TRHR: variants seen among roughly 807,000 people sequenced by gnomAD.
TRHR encodes the protein thyrotropin releasing hormone receptor, also known as thyrotropin-releasing hormone receptor.
A neutral mutation model predicts 28.0 loss-of-function variants in TRHR; 14 were observed. The observed-to-expected ratio is 0.50, with a 90% CI of 0.33 to 0.78. The LOEUF is 0.78. Ranked by LOEUF, TRHR falls within the 30% of genes least tolerant of loss-of-function variation. The probability of loss-of-function intolerance (pLI) is 0.02; values close to 1 mark genes in which losing one functional copy is unlikely to be tolerated. For synonymous variants in TRHR, 176 were observed against 171.9 expected (o/e 1.02, Z -0.18); for missense variants, 438 against 469.5 (o/e 0.93, Z 0.62).
chr8:109,093,400 C>CTTTTTTTTTT (rs34645119), intron 2 of TRHR, among the ~76,000 whole-genome samples: 12 of 77,394 alleles, frequency 1.6e-4, no homozygotes, highest in Non-Finnish European at 2.0e-4. Flanking sequence ...GTGCTATTTA[C>CTTTTTTTTTT]TTTTTTTTTT....
intron 2 of TRHR, among the ~76,000 whole-genome samples, chr8:109,092,271 A>G (rs1298933606): frequency 6.6e-6 from 1 of 152,056 alleles, no homozygotes; most frequent in Non-Finnish European, 1.5e-5. Flanking sequence ...TCTAAGAGTA[A>G]TGGCAGAATT....
intron 2 of TRHR, among the ~76,000 whole-genome samples, chr8:109,090,404 A>G (rs1318692486): frequency 1.3e-5 from 2 of 152,228 alleles, no homozygotes; most frequent in African/African-American, 4.8e-5. Context: ...TTCTTTAAGG[A>G]GTTTTTTTAA....
At chr8:109,093,527 T>C (rs936941216) in intron 2 of TRHR, among the ~76,000 whole-genome samples, 4 of 143,044 alleles carry the variant, frequency 2.8e-5, no homozygotes, top group Non-Finnish European at 6.0e-5. Flanking sequence ...TGCCTCAGCC[T>C]CCCGAGTAGC....
intron 2 of TRHR, among the ~76,000 whole-genome samples, chr8:109,102,861 T>C (rs2129905296): frequency 6.6e-6 from 1 of 152,292 alleles, no homozygotes; most frequent in East Asian, 1.9e-4. Flanking sequence ...CTGGGACTCA[T>C]TCCCAATAAA....
chr8:109,115,476 T>C (rs1371024735), intron 2 of TRHR, among the ~76,000 whole-genome samples: 6 of 152,180 alleles, frequency 3.9e-5, no homozygotes, highest in Admixed American at 1.3e-4. Context: ...TGTATCCTCT[T>C]TTATTTCATT....
At chr8:109,118,730 A>G (rs1444876422) in intron 2 of TRHR, among the ~76,000 whole-genome samples, 4 of 151,874 alleles carry the variant, frequency 2.6e-5, no homozygotes, top group African/African-American at 9.7e-5. Flanking sequence ...CCTTTAATGA[A>G]TGGACGCTGG....
At chr8:109,091,493 T>A (rs1256291813) in intron 2 of TRHR, among the ~76,000 whole-genome samples, 1 of 152,188 alleles carries the variant, frequency 6.6e-6, no homozygotes. Flanking sequence ...TTTCTCTGCA[T>A]TTTTTTCTTT....
chr8:109,107,378 G>C (rs1258345732), intron 2 of TRHR, among the ~76,000 whole-genome samples: 1 of 152,058 alleles, frequency 6.6e-6, no homozygotes, highest in African/African-American at 2.4e-5. Context: ...GTATTTCACA[G>C]ACGTATATAC....
intron 2 of TRHR, among the ~76,000 whole-genome samples, chr8:109,113,371 A>T (rs1811868731): frequency 6.6e-6 from 1 of 152,084 alleles, no homozygotes; most frequent in Admixed American, 6.6e-5. Context: ...TAACCATGAG[A>T]AAAACATCAG....
intron 2 of TRHR, among the ~76,000 whole-genome samples, chr8:109,093,268 G>C (rs1411561365): frequency 6.6e-6 from 1 of 151,736 alleles, no homozygotes; most frequent in African/African-American, 2.4e-5. Context: ...GCACCCTCCT[G>C]ACCCTCTCTT....
rs923583677 is a variant in TRHR at position 109,120,206 on chromosome 8, G to C, written c.*751G>C. On this transcript the variant is annotated 3_prime_UTR_variant, in exon 3 of 3. Coordinates refer to ENST00000518632, the MANE Select transcript of TRHR (RefSeq NM_003301.7). The stretch of plus-strand genomic sequence containing the variant: ...ACATGATGGGTGGAAAAAGGCAAAA[G>C]CCCAGATTAAGTAACTGTGAAGATA... Among the ~76,000 whole-genome samples, 1 of 151,784 alleles carries C rather than the reference G, an allele frequency of 6.6e-6. No individual in the cohort carries two copies. The highest frequency in any genetic ancestry group is 6.6e-5 in the Admixed American group (1 of 15,198).
intron 2 of TRHR, among the ~76,000 whole-genome samples, chr8:109,094,735 C>G (rs1261055979): frequency 6.6e-6 from 1 of 150,764 alleles, no homozygotes; most frequent in Non-Finnish European, 1.5e-5. Context: ...TAGGAATAAA[C>G]AATGTGTCTT....
At chr8:109,098,170 C>T (rs1811623313) in intron 2 of TRHR, among the ~76,000 whole-genome samples, 1 of 151,590 alleles carries the variant, frequency 6.6e-6, no homozygotes, top group African/African-American at 2.4e-5. Context: ...TGCTTTGTCA[C>T]TCAGGTTGGG....
chr8:109,092,586 G>A (rs1226954041), intron 2 of TRHR, among the ~76,000 whole-genome samples: 2 of 151,744 alleles, frequency 1.3e-5, no homozygotes, highest in African/African-American at 2.4e-5. Context: ...ACAGGTGTGC[G>A]CCAACACACC....
At chr8:109,097,994 C>G (rs1811619560) in intron 2 of TRHR, among the ~76,000 whole-genome samples, 2 of 152,152 alleles carry the variant, frequency 1.3e-5, no homozygotes, top group South Asian at 4.1e-4. Context: ...GAAATTCCTC[C>G]CACATCCAGT....
At chr8:109,114,350 C>T (rs1811885505) in intron 2 of TRHR, among the ~76,000 whole-genome samples, 3 of 152,048 alleles carry the variant, frequency 2.0e-5, no homozygotes, top group South Asian at 2.1e-4. Context: ...CTTCAATACA[C>T]TCTACAAAAA....
At chr8:109,105,260 A>G (rs1811732038) in intron 2 of TRHR, among the ~76,000 whole-genome samples, 1 of 152,182 alleles carries the variant, frequency 6.6e-6, no homozygotes, top group Non-Finnish European at 1.5e-5. Context: ...ACTAATTCCT[A>G]GAATCTAATC....
At chr8:109,098,736 T>G (rs1415711771) in intron 2 of TRHR, among the ~76,000 whole-genome samples, 1 of 152,152 alleles carries the variant, frequency 6.6e-6, no homozygotes, top group South Asian at 2.1e-4. Context: ...CCTCCAGTCT[T>G]GAGCACTCGG....
At chr8:109,107,766 A>G (rs904089849) in intron 2 of TRHR, among the ~76,000 whole-genome samples, 1 of 152,072 alleles carries the variant, frequency 6.6e-6, no homozygotes, top group African/African-American at 2.4e-5. Flanking sequence ...CCCTTATATT[A>G]GAAAGGTATA....
Sources: gnomAD v4.1 joint callset for allele counts (sites outside exome capture counted in the v4.1 genomes callset) on GRCh38, gnomAD v4.1.1 for gene constraint, MANE v1.5 for transcripts, NCBI Gene and HGNC (gene_info 2026-07-23, HGNC 2026-07-21) for gene names.